FYN: variants seen among roughly 807,000 people sequenced by gnomAD.
FYN encodes FYN proto-oncogene, Src family tyrosine kinase.
In FYN, 10 loss-of-function variants were observed where a neutral mutation model predicts 70.2. That is an observed-to-expected ratio of 0.14 (90% confidence interval 0.09 to 0.24). The LOEUF is 0.24. Ranked by LOEUF, FYN falls within the 10% of genes least tolerant of loss-of-function variation. FYN has a pLI of 1.00. For synonymous variants in FYN, 236 were observed against 248.6 expected, an observed-to-expected ratio of 0.95 and a Z score of 0.48; for missense variants, 319 against 673.1, an observed-to-expected ratio of 0.47 and a Z score of 5.82.
chr6:111,709,808 T>G lies in FYN; in HGVS notation c.345-1788A>C, dbSNP rs76208283. On this transcript the variant is annotated intron_variant, in intron 5 of 13. Transcript: ENST00000354650. ...AGATCGTTACCAACTGGGTGGGATC[T>G]GCACTGTGCTGCTCCCCTATTGTAA... 1.7e-3 allele frequency among the ~76,000 whole-genome samples: 266 copies of G among 152,354 alleles called. 2 individuals are homozygous for G. Among genetic ancestry groups the G allele is most frequent in the African/African-American group, 6.2e-3 (256 of 41,570 alleles).
At chr6:111,739,918 G>A (rs1251588450) in intron 3 of FYN, among the ~76,000 whole-genome samples, 1 of 152,096 alleles carries the variant, frequency 6.6e-6, no homozygotes, top group Non-Finnish European at 1.5e-5. Context: ...CTGTCTCCTG[G>A]GTTCAAATAA....
At chr6:111,849,495 A>G (rs1365956168) in intron 1 of FYN, among the ~76,000 whole-genome samples, 1 of 152,222 alleles carries the variant, frequency 6.6e-6, no homozygotes, top group Admixed American at 6.5e-5. Flanking sequence ...TACACAGTCA[A>G]AGGAGCATGG....
chr6:111,705,484 T>G (rs1363500647), intron 6 of FYN, among the ~76,000 whole-genome samples: 1 of 151,106 alleles, frequency 6.6e-6, no homozygotes, highest in African/African-American at 2.4e-5. Flanking sequence ...CTCTCCAGGC[T>G]CAAGCAATCT....
At chr6:111,689,989 T>C (rs978217141) in intron 12 of FYN, among the ~76,000 whole-genome samples, 1 of 152,238 alleles carries the variant, frequency 6.6e-6, no homozygotes, top group Non-Finnish European at 1.5e-5. Context: ...CATGTCTGTC[T>C]GAACTTGTTA....
chr6:111,743,972 T>C (rs1802096608), intron 3 of FYN, among the ~76,000 whole-genome samples: 1 of 152,238 alleles, frequency 6.6e-6, no homozygotes, highest in Admixed American at 6.5e-5. Flanking sequence ...CGATGAGCTG[T>C]CTTTGCAGTC....
rs111802155 is a variant in FYN, at chr6:111,692,108, C to A, written c.1273+2267G>T. 1.2e-3 allele frequency among the ~76,000 whole-genome samples: 178 copies of A among 149,620 alleles called. 1 individual carries two copies. The highest frequency in any genetic ancestry group is 4.1e-3 in the African/African-American group (168 of 41,000). ...GCCTTGCCAAGCTTCATTTCCCCCCCCCCCAGTTCAGCTCTCCAGTTCACT... is the reference window on the plus strand; with the variant it reads ...GCCTTGCCAAGCTTCATTTCCCCCCACCCCAGTTCAGCTCTCCAGTTCACT... On this transcript the variant is annotated intron_variant, in intron 12 of 13. Coordinates refer to ENST00000354650, the MANE Select transcript of FYN (RefSeq NM_002037.5).
intron 2 of FYN, among the ~76,000 whole-genome samples, chr6:111,819,217 T>C (rs995206493): frequency 2.3e-4 from 35 of 152,214 alleles, no homozygotes; most frequent in African/African-American, 7.7e-4. Context: ...CAGCTTGCCA[T>C]CAGCAATCCT....
At position 111,873,076 on chromosome 6, in the gene FYN, G is replaced by C. The variant is rs2114263856; in HGVS notation, c.-231C>G. The C allele has an allele frequency of 6.8e-6, 1 of 148,142 alleles. No individual in the cohort carries two copies. Among genetic ancestry groups the C allele is most frequent in the South Asian group, 2.1e-4 (1 of 4,794 alleles). The allele number at this position is 148,142 out of a possible 1,614,324, so 9.2% of individuals were successfully genotyped here. A position where few individuals can be genotyped will look rare whatever the true frequency, so the allele number is the denominator to read the frequency against. ...TCCCCGGCGGGCCCGGGAGCCGGTGGGCCTTCCGAGAGCACCGAGGGGGCG... is the reference window on the plus strand; with the variant it reads ...TCCCCGGCGGGCCCGGGAGCCGGTGCGCCTTCCGAGAGCACCGAGGGGGCG... On this transcript the variant is annotated 5_prime_UTR_variant, in exon 1 of 14. Coordinates refer to ENST00000354650, the MANE Select transcript of FYN (RefSeq NM_002037.5).
intron 2 of FYN, among the ~76,000 whole-genome samples, chr6:111,842,440 T>C (rs1256009909): frequency 6.6e-6 from 1 of 152,030 alleles, no homozygotes; most frequent in African/African-American, 2.4e-5. Flanking sequence ...ATGCTATTCT[T>C]CCCTTCCTCT....
rs1443367533 is a variant in FYN at position 111,797,685 on chromosome 6, TATATATATATATATATATATATATATAC to T, written c.-81-17078_-81-17051del. Among the ~76,000 whole-genome samples, 185 of 71,366 alleles carry T rather than the reference TATATATATATATATATATATATATATAC, an allele frequency of 2.6e-3. 5 individuals carry two copies. In the African/African-American group the frequency reaches 0.044, roughly 17 times the overall value. The allele number at this position is 71,366 out of a possible 152,430, so 46.8% of individuals were successfully genotyped here. On this transcript the variant is annotated intron_variant, in intron 2 of 13. Coordinates refer to ENST00000354650, the MANE Select transcript of FYN (RefSeq NM_002037.5). Reference sequence around the variant, plus strand: ...AGTTTCATATATATATATATATATATATATATATATATATATATATATATATACACACACACACACACATGACACACCC... The same window carrying T: ...AGTTTCATATATATATATATATATATACACACACACACACATGACACACCC...
chr6:111,780,922 C>T (rs1351028639), intron 2 of FYN: 1 of 152,150 alleles, frequency 6.6e-6, no homozygotes, highest in Admixed American at 6.5e-5. Flanking sequence ...TATTTGAAGA[C>T]AAGAGAACAA....
chr6:111,715,604 G>T (rs1036256052), intron 4 of FYN, among the ~76,000 whole-genome samples: 6 of 152,096 alleles, frequency 3.9e-5, no homozygotes, highest in African/African-American at 1.4e-4. Flanking sequence ...GAAGCAAGGC[G>T]CCATGCTGGT....
chr6:111,811,835 G>A lies in FYN; in HGVS notation c.-81-31200C>T, dbSNP rs190600377. ...CTAAACTGTCAGATTATATAGATTA[G>A]ACGTGGGCACTGCAGCGCCTATTGT... is the stretch of plus-strand genomic sequence containing the variant. On this transcript the variant is annotated intron_variant, in intron 2 of 13. Coordinates refer to ENST00000354650, the MANE Select transcript of FYN (RefSeq NM_002037.5). Among the ~76,000 whole-genome samples the A allele has an allele frequency of 2.3e-3, 356 of 152,208 alleles. 2 individuals are homozygous for A. In the Middle Eastern group the frequency reaches 0.024, roughly 10 times the overall value.
chr6:111,868,439 C>T (rs1411879324), intron 1 of FYN, among the ~76,000 whole-genome samples: 2 of 152,130 alleles, frequency 1.3e-5, no homozygotes, highest in African/African-American at 4.8e-5. Context: ...AAATTATTTC[C>T]AGTATCGACA....
At chr6:111,795,668 G>A (rs1221932966) in intron 2 of FYN, among the ~76,000 whole-genome samples, 2 of 152,236 alleles carry the variant, frequency 1.3e-5, no homozygotes, top group Non-Finnish European at 2.9e-5. Context: ...ACAGAAGGGT[G>A]TTCTAATTGA....
At chr6:111,726,648 T>C (rs756035898) in intron 3 of FYN, among the ~76,000 whole-genome samples, 59 of 152,216 alleles carry the variant, frequency 3.9e-4, no homozygotes, top group Non-Finnish European at 2.6e-4. Context: ...GCTGGAGGTG[T>C]TGAGGGAAAA....
intron 12 of FYN, among the ~76,000 whole-genome samples, chr6:111,687,680 C>T (rs1014994011): frequency 2.4e-4 from 37 of 151,930 alleles, no homozygotes; most frequent in African/African-American, 8.9e-4. Flanking sequence ...TATTGGCATC[C>T]ATTGGATCAA....
At chr6:111,802,653 T>C (rs1427949937) in intron 2 of FYN, among the ~76,000 whole-genome samples, 3 of 152,062 alleles carry the variant, frequency 2.0e-5, no homozygotes, top group Non-Finnish European at 4.4e-5. Flanking sequence ...GGTCTCGAAC[T>C]CCTGACCTCA....
chr6:111,866,381 G>A (rs559315186), intron 1 of FYN, among the ~76,000 whole-genome samples: 8 of 152,194 alleles, frequency 5.3e-5, no homozygotes, highest in African/African-American at 1.4e-4. Flanking sequence ...TCACTCTCTC[G>A]CCCAGGATGG....
Sources: allele counts gnomAD v4.1 joint callset (sites outside exome capture counted in the v4.1 genomes callset), GRCh38; gene constraint gnomAD v4.1.1; transcripts MANE v1.5; gene names NCBI Gene and HGNC (gene_info 2026-07-23, HGNC 2026-07-21).